The following DDX21 variants were observed in gnomAD, a reference collection of about 807,000 sequenced individuals.
DDX21 encodes the protein nucleolar RNA helicase 2.
In DDX21, 18 loss-of-function variants were observed where a neutral mutation model predicts 90.0. That is an observed-to-expected ratio of 0.20 (90% CI 0.14 to 0.30). DDX21 has a LOEUF of 0.30. Ranked by LOEUF, DDX21 falls within the 10% of genes least tolerant of loss-of-function variation. The pLI is 1.00. For missense variants in DDX21, 673 were observed against 944.5 expected (o/e 0.71, Z 3.77); for synonymous variants, 294 against 318.0 (o/e 0.92, Z 0.80).
intron 6 of DDX21, among the ~76,000 whole-genome samples, chr10:68,968,167 G>T (rs375322643): frequency 6.6e-6 from 1 of 151,976 alleles, no homozygotes; most frequent in Non-Finnish European, 1.5e-5. Context: ...GCTCTACCGC[G>T]GCCGCCCTTT....
chr10:68,957,416 A>G (rs1842813274), intron 1 of DDX21, among the ~76,000 whole-genome samples: 1 of 152,204 alleles, frequency 6.6e-6, no homozygotes, highest in African/African-American at 2.4e-5. Context: ...TCTGAGATCA[A>G]GTCAGTGGGA....
intron 5 of DDX21, 102 bp from the exon 6 acceptor site, chr10:68,966,916 T>TAGGTA: frequency 1.1e-6 from 1 of 912,798 alleles, no homozygotes. Context: ...CTTGTAGGTA[T>TAGGTA]TTAACAAATA....
At chr10:68,964,101 G>GA (rs750726882) in intron 4 of DDX21, 46,456 of 232,346 alleles carry the variant, frequency 0.2, 196 homozygotes, top group South Asian at 0.22. Context: ...TCCGTCTCAA[G>GA]AAAAAAAAAA....
chr10:68,958,639 G>A (rs1418336247), intron 1 of DDX21, among the ~76,000 whole-genome samples: 2 of 152,096 alleles, frequency 1.3e-5, no homozygotes, highest in African/African-American at 2.4e-5. Context: ...AGATTTCACT[G>A]TGTTAGCCAG....
chr10:68,974,842 T>A (rs1843073165), intron 11 of DDX21, 99 bp downstream of exon 11: 3 of 921,488 alleles, frequency 3.3e-6, no homozygotes, highest in Admixed American at 3.1e-5. Flanking sequence ...ATTTTTTTTT[T>A]AAAATTTTTG....
Position 68,982,533 on chromosome 10 carries a change from C to G in DDX21, c.2083-10C>G. 6.3e-7 allele frequency: 1 copy of G among 1,588,798 alleles called. No homozygotes were observed. The highest frequency in any genetic ancestry group is 8.6e-7 in the Non-Finnish European group (1 of 1,162,224). ...TTAAAGCACACAAAAACAAAACATT[C>G]TCTCAACAGGAGAAATGGCATGATT... On this transcript the variant is annotated splice_polypyrimidine_tract_variant and intron_variant, in intron 14 of 14. Transcript: ENST00000354185.
At chr10:68,974,831 A>C in intron 11 of DDX21, 88 bp downstream of exon 11, 1 of 1,218,740 alleles carries the variant, frequency 8.2e-7, no homozygotes, top group East Asian at 2.6e-5. Context: ...GACTTAAAAA[A>C]ATTTTTTTTT....
chr10:68,981,889 T>G (rs1250416735), intron 14 of DDX21, among the ~76,000 whole-genome samples: 1 of 151,988 alleles, frequency 6.6e-6, no homozygotes, highest in Non-Finnish European at 1.5e-5. Flanking sequence ...GTGTGTGTGT[T>G]TTCAGACAGA....
chr10:68,969,341 G>A (rs112665598), intron 7 of DDX21, among the ~76,000 whole-genome samples: 8,474 of 152,092 alleles, frequency 0.056, 754 homozygotes, highest in African/African-American at 0.19. Context: ...GTGCAGTGGC[G>A]CAATCTCCGT....
intron 1 of DDX21, among the ~76,000 whole-genome samples, chr10:68,957,855 A>G (rs1418542814): frequency 1.3e-5 from 2 of 152,200 alleles, no homozygotes; most frequent in East Asian, 1.9e-4. Flanking sequence ...TACTTCCAAC[A>G]TTGTTCTGGG....
Position 68,956,191 on chromosome 10 carries a change from A to T in DDX21, c.-35A>T, listed in dbSNP as rs369245956. ...CTACCTCTTCCTCTCCACGCGGTTG[A>T]GAAGACCGGTCGGCCTGGGCAACCT... is the stretch of plus-strand genomic sequence containing the variant. On this transcript the variant is annotated 5_prime_UTR_variant, in exon 1 of 15. Transcript: ENST00000354185. 1 of 1,610,280 alleles carries T rather than the reference A, an allele frequency of 6.2e-7. No homozygotes were observed. The highest frequency in any genetic ancestry group is 8.5e-7 in the Non-Finnish European group (1 of 1,177,580).
intron 6 of DDX21, among the ~76,000 whole-genome samples, chr10:68,968,190 G>A (rs1289659284): frequency 1.3e-5 from 2 of 151,802 alleles, no homozygotes; most frequent in East Asian, 3.9e-4. Flanking sequence ...TTATTTTTAA[G>A]ATAGGCCCTC....
At chr10:68,960,482 G>C (rs1463946441) in intron 2 of DDX21, among the ~76,000 whole-genome samples, 1 of 151,532 alleles carries the variant, frequency 6.6e-6, no homozygotes, top group Non-Finnish European at 1.5e-5. Flanking sequence ...ATTTTTTTGA[G>C]ACAGAGTCTC....
intron 3 of DDX21, among the ~76,000 whole-genome samples, 200 bp downstream of exon 3, chr10:68,962,357 T>C (rs1842882439): frequency 6.6e-6 from 1 of 152,160 alleles, no homozygotes; most frequent in Admixed American, 6.6e-5. Context: ...TGGTTAAAGC[T>C]TTTTCAGGCC....
At chr10:68,961,964 A>G in intron 2 of DDX21, 118 bp from the exon 3 acceptor site, 1 of 683,832 alleles carries the variant, frequency 1.5e-6, no homozygotes, top group Non-Finnish European at 2.4e-6. Flanking sequence ...TTGATTTTTA[A>G]AGTGATGTGT....
chr10:68,967,236 G>T, intron 6 of DDX21, 33 bp downstream of exon 6: 1 of 1,592,402 alleles, frequency 6.3e-7, no homozygotes, highest in South Asian at 1.1e-5. Flanking sequence ...TGATAAAAAA[G>T]ACCAAAGGAA....
intron 2 of DDX21, among the ~76,000 whole-genome samples, chr10:68,961,133 C>T (rs1190252996): frequency 6.6e-6 from 1 of 152,184 alleles, no homozygotes; most frequent in African/African-American, 2.4e-5. Context: ...TGGGATCTCG[C>T]TGTGTGGCCC....
intron 3 of DDX21, 120 bp from the exon 4 acceptor site, chr10:68,963,171 C>A: frequency 9.7e-7 from 1 of 1,026,258 alleles, no homozygotes. Context: ...AGATGTTGAC[C>A]AGAAGGTAGA....
At chr10:68,973,784 C>A in intron 10 of DDX21, 120 bp downstream of exon 10, 1 of 1,327,866 alleles carries the variant, frequency 7.5e-7, no homozygotes, top group Non-Finnish European at 1.0e-6. Flanking sequence ...TGACTGAAAG[C>A]TTATTGTTAG....
Sources: allele counts gnomAD v4.1 joint callset (sites outside exome capture counted in the v4.1 genomes callset), GRCh38; gene constraint gnomAD v4.1.1; transcripts MANE v1.5; gene names NCBI Gene and HGNC (gene_info 2026-07-23, HGNC 2026-07-21).